Variants in ZNF682 observed in about 807,000 individuals in gnomAD.
ZNF682 encodes the protein zinc finger protein 682.
Under a neutral mutation model 36.5 loss-of-function variants are expected in ZNF682, and 29 were observed. The ratio of observed to expected loss-of-function variants is 0.80; its 90% CI spans 0.59 to 1.08. ZNF682 has a LOEUF of 1.08. Ranked by LOEUF, ZNF682 falls within the 50% of genes least tolerant of loss-of-function variation. The pLI, the probability that ZNF682 is intolerant of heterozygous loss-of-function variation, is 0.00. For synonymous variants in ZNF682, 180 were observed against 197.0 expected (o/e 0.91, Z 0.72); for missense variants, 561 against 579.7 (o/e 0.97, Z 0.33).
chr19:20,018,047 T>C (rs1279164867), intron 3 of ZNF682, among the ~76,000 whole-genome samples: 1 of 151,720 alleles, frequency 6.6e-6, no homozygotes, highest in African/African-American at 2.4e-5. Context: ...ATTTTTTTTT[T>C]TTGCAGAAAT....
chr19:20,039,338 C>T lies in ZNF682; in HGVS notation c.3+5G>A. 1 of 1,612,520 alleles carries T rather than the reference C, an allele frequency of 6.2e-7. No homozygotes were observed. The highest frequency in any genetic ancestry group is 8.5e-7 in the Non-Finnish European group (1 of 1,179,938). Reference sequence around the variant, plus strand: ...ACCTCGGGATGCGCGGCCTGGCACACTCACCATTTTTCGGCTTCCGGGATG... The same window carrying T: ...ACCTCGGGATGCGCGGCCTGGCACATTCACCATTTTTCGGCTTCCGGGATG... On this transcript the variant is annotated splice_donor_5th_base_variant and intron_variant, in intron 1 of 3. Coordinates refer to ENST00000397165, the MANE Select transcript of ZNF682 (RefSeq NM_033196.3).
chr19:20,019,520 T>A (rs77692147), intron 3 of ZNF682, among the ~76,000 whole-genome samples: 11,764 of 151,996 alleles, frequency 0.077, 674 homozygotes, highest in East Asian at 0.2. Context: ...AAGAAAATAA[T>A]AGAAGGAAAC....
chr19:20,009,728 T>A (rs982706826), intron 3 of ZNF682, among the ~76,000 whole-genome samples: 2 of 152,164 alleles, frequency 1.3e-5, no homozygotes, highest in Non-Finnish European at 1.5e-5. Flanking sequence ...TTTAACATTT[T>A]TAAAGAAAGA....
At chr19:19,998,384 T>C (rs931724924) in intron 3 of ZNF682, among the ~76,000 whole-genome samples, 4 of 152,110 alleles carry the variant, frequency 2.6e-5, no homozygotes, top group Non-Finnish European at 4.4e-5. Context: ...GGGCAGAAGT[T>C]AGAAAGGGAC....
chr19:20,028,343 G>A (rs1410566487), intron 1 of ZNF682, among the ~76,000 whole-genome samples: 1 of 152,078 alleles, frequency 6.6e-6, no homozygotes, highest in Non-Finnish European at 1.5e-5. Context: ...AAGTAGCTGA[G>A]ACTACAGTCA....
chr19:20,023,906 C>A (rs948820268), intron 2 of ZNF682, among the ~76,000 whole-genome samples: 2 of 151,928 alleles, frequency 1.3e-5, no homozygotes, highest in African/African-American at 4.8e-5. Context: ...CACTTGAACC[C>A]AGGAGGTGGA....
chr19:20,030,655 A>C (rs558739032), intron 1 of ZNF682: 1 of 152,330 alleles, frequency 6.6e-6, no homozygotes, highest in South Asian at 2.1e-4. Context: ...AGAGTTCCCA[A>C]CATAAGGAAA....
At position 20,023,011 on chromosome 19, in the gene ZNF682, T is replaced by C; in HGVS notation, c.219A>G (p.Lys73=). 1 of 1,612,864 alleles carries C rather than the reference T, an allele frequency of 6.2e-7. No homozygotes were observed. The highest frequency in any genetic ancestry group is 8.5e-7 in the Non-Finnish European group (1 of 1,179,206). The change falls in exon 3 of 4, where the codon AAA becomes AAG. Residue 73 remains lysine (K), a synonymous_variant. Transcript: ENST00000397165. ...WNVKRHETIA[K]PPAMSSHYTE... ...TTCATTCATCCAACCTACCTGGGGG[T>C]TTGGCTATGGTCTCATGTCTCTTCA...
intron 3 of ZNF682, among the ~76,000 whole-genome samples, chr19:19,997,691 C>A (rs533328038): frequency 6.6e-6 from 1 of 152,326 alleles, no homozygotes; most frequent in South Asian, 2.1e-4. Flanking sequence ...AAGGTGGAGG[C>A]AAAGAGAGGA....
downstream of ZNF682, among the ~76,000 whole-genome samples, chr19:20,003,007 G>A (rs2088179607): frequency 6.6e-6 from 1 of 151,588 alleles, no homozygotes; most frequent in Admixed American, 6.6e-5. Context: ...TGGCTAACAC[G>A]GTGAAACCCC....
chr19:20,016,319 G>A (rs1217647033), intron 3 of ZNF682, among the ~76,000 whole-genome samples: 1 of 152,052 alleles, frequency 6.6e-6, no homozygotes, highest in Non-Finnish European at 1.5e-5. Flanking sequence ...TCCTTTAAAG[G>A]AATAAAATGA....
Position 20,031,708 on chromosome 19 carries a change from C to T in ZNF682, c.4-7332G>A, listed in dbSNP as rs556558511. The stretch of plus-strand genomic sequence containing the variant: ...CTGTAATCCCAGCACTGTGGGAGGC[C>T]GAGGTGGGCGGATCACGAGGTCAGG... On this transcript the variant is annotated intron_variant, in intron 1 of 3. Transcript: ENST00000397165. Among the ~76,000 whole-genome samples the T allele has an allele frequency of 1.2e-4, 19 of 152,168 alleles. No individual in the cohort carries two copies. The South Asian group carries it at 3.7e-3, about 30-fold the overall frequency.
chr19:20,039,219 CG>C, intron 1 of ZNF682, 123 bp downstream of exon 1: 1 of 1,481,498 alleles, frequency 6.7e-7, no homozygotes, highest in Non-Finnish European at 9.0e-7. Flanking sequence ...CTGTGCCTGC[CG>C]GGGACTCCAG....
chr19:20,002,781 TAAGAGTTGATAAAAA>T (rs2088177283), downstream of ZNF682, among the ~76,000 whole-genome samples: 2 of 152,108 alleles, frequency 1.3e-5, no homozygotes, highest in Admixed American at 6.6e-5. Flanking sequence ...TGTAGAGACG[TAAGAGTTGATAAAAA>T]AAGAAACAAA....
intron 3 of ZNF682, chr19:20,015,465 T>C: frequency 1.0e-6 from 1 of 967,938 alleles, no homozygotes; most frequent in South Asian, 4.8e-5. Context: ...AATTATAATA[T>C]ATGAATAAAA....
At chr19:20,020,323 C>A (rs951825516) in intron 3 of ZNF682, among the ~76,000 whole-genome samples, 3 of 152,088 alleles carry the variant, frequency 2.0e-5, no homozygotes, top group Admixed American at 1.3e-4. Context: ...TGGTGAAACC[C>A]TGTCTCTACT....
chr19:20,019,770 A>AGACATCCTAAC (rs1465365105), intron 3 of ZNF682, among the ~76,000 whole-genome samples: 4 of 152,196 alleles, frequency 2.6e-5, no homozygotes, highest in African/African-American at 9.6e-5. Flanking sequence ...AAACAATGAT[A>AGACATCCTAAC]AAATATCACT....
At chr19:20,002,249 A>ATTTTT (rs10610980), downstream of ZNF682, among the ~76,000 whole-genome samples, 1 of 127,376 alleles carries the variant, frequency 7.9e-6, no homozygotes, top group Non-Finnish European at 1.7e-5. Flanking sequence ...CCCCTGGCTA[A>ATTTTT]TTTTTTTTTT....
At chr19:20,028,213 G>GGTCTGTTTGTTT (rs1555787715) in intron 1 of ZNF682, among the ~76,000 whole-genome samples, 11 of 151,398 alleles carry the variant, frequency 7.3e-5, no homozygotes, top group Admixed American at 2.6e-4. Flanking sequence ...TGATTCTGCA[G>GGTCTGTTTGTTT]GTTTGTTTGT....
Sources: allele counts gnomAD v4.1 joint callset (sites outside exome capture counted in the v4.1 genomes callset), GRCh38; gene constraint gnomAD v4.1.1; transcripts MANE v1.5; gene names NCBI Gene and HGNC (gene_info 2026-07-23, HGNC 2026-07-21).